Variants in FKBP5 observed in about 807,000 individuals in gnomAD.
FKBP5 encodes the protein FKBP prolyl isomerase 5, also known as peptidyl-prolyl cis-trans isomerase FKBP5.
In FKBP5, 23 loss-of-function variants were observed where a neutral mutation model predicts 50.5. That is an observed-to-expected ratio of 0.46 (90% CI 0.33 to 0.65). FKBP5 has a LOEUF of 0.65. Ranked by LOEUF, FKBP5 falls within the 30% of genes least tolerant of loss-of-function variation. The pLI is 0.02. For missense variants in FKBP5, 411 were observed against 553.1 expected (o/e 0.74, Z 2.58); for synonymous variants, 176 against 190.6 (o/e 0.92, Z 0.63).
At chr6:35,620,110 G>A in intron 4 of FKBP5, 22 bp downstream of exon 4, 1 of 1,613,784 alleles carries the variant, frequency 6.2e-7, no homozygotes, top group Non-Finnish European at 8.5e-7. Context: ...TGCTGACAAG[G>A]CAACATCACA....
At chr6:35,588,141 T>C (rs1252444046) in intron 7 of FKBP5, among the ~76,000 whole-genome samples, 1 of 151,844 alleles carries the variant, frequency 6.6e-6, no homozygotes, top group African/African-American at 2.4e-5. Context: ...TTCTCCTGCC[T>C]CAGCCTCCGG....
At chr6:35,689,595 C>G (rs1765943635), upstream of FKBP5, among the ~76,000 whole-genome samples, 2 of 152,136 alleles carry the variant, frequency 1.3e-5, no homozygotes, top group Admixed American at 1.3e-4. Flanking sequence ...GTAATCCCAG[C>G]ACTTTGGAAG....
intron 2 of FKBP5, among the ~76,000 whole-genome samples, chr6:35,642,013 AAAAT>A (rs1378422504): frequency 6.6e-6 from 1 of 151,366 alleles, no homozygotes; most frequent in Non-Finnish European, 1.5e-5. Flanking sequence ...AAAATAAAAT[AAAAT>A]AAAATAAAAT....
At chr6:35,724,439 G>C (rs1163222229) in intron 1 of FKBP5, among the ~76,000 whole-genome samples, 1 of 152,194 alleles carries the variant, frequency 6.6e-6, no homozygotes. Flanking sequence ...CTAGCTGTCA[G>C]ATCACACCTC....
At chr6:35,658,303 G>C (rs1376763131) in intron 1 of FKBP5, among the ~76,000 whole-genome samples, 1 of 151,728 alleles carries the variant, frequency 6.6e-6, no homozygotes, top group African/African-American at 2.4e-5. Flanking sequence ...TGAACCCCAG[G>C]AGGCAGAGCT....
At chr6:35,666,405 A>C (rs1399988017) in intron 1 of FKBP5, among the ~76,000 whole-genome samples, 1 of 144,716 alleles carries the variant, frequency 6.9e-6, no homozygotes, top group Non-Finnish European at 1.5e-5. Context: ...AAAAAAAAAA[A>C]AAAAAAAAAA....
intron 5 of FKBP5, among the ~76,000 whole-genome samples, chr6:35,614,884 G>C (rs9470069): frequency 0.17 from 25,688 of 151,906 alleles, 2,659 homozygotes; most frequent in East Asian, 0.35. Context: ...CAGCACTTTG[G>C]GAGGCCAAGG....
At chr6:35,689,108 A>C (rs1022185535), upstream of FKBP5, among the ~76,000 whole-genome samples, 1 of 151,814 alleles carries the variant, frequency 6.6e-6, no homozygotes, top group African/African-American at 2.4e-5. Context: ...CGCCCCCATC[A>C]TTTGCTCCTC....
At chr6:35,675,254 T>C (rs116403018) in intron 1 of FKBP5, among the ~76,000 whole-genome samples, 162 of 152,340 alleles carry the variant, frequency 1.1e-3, no homozygotes, top group African/African-American at 3.7e-3. Context: ...CACGAGTCTA[T>C]ACCATACTCT....
chr6:35,706,730 CT>C (rs2151020536), intron 2 of FKBP5, among the ~76,000 whole-genome samples: 1 of 152,292 alleles, frequency 6.6e-6, no homozygotes, highest in African/African-American at 2.4e-5. Context: ...CATTCTATAG[CT>C]GTACTCCTAC....
At chr6:35,660,001 AGAC>A (rs148451847) in intron 1 of FKBP5, among the ~76,000 whole-genome samples, 19,044 of 83,786 alleles carry the variant, frequency 0.23, 7,880 homozygotes, top group African/African-American at 0.5. Flanking sequence ...TACCCAATAT[AGAC>A]ATTTAGTGCT....
chr6:35,610,218 T>C (rs1763447385), intron 5 of FKBP5, among the ~76,000 whole-genome samples: 1 of 152,152 alleles, frequency 6.6e-6, no homozygotes, highest in Non-Finnish European at 1.5e-5. Context: ...CACTTTAGTA[T>C]TATTTACTGT....
rs1401690417 is a variant in FKBP5, at chr6:35,604,448, T to A, written c.509-7044A>T. 3.9e-5 allele frequency among the ~76,000 whole-genome samples: 6 copies of A among 152,242 alleles called. No individual in the cohort carries two copies. In the East Asian group the frequency reaches 9.6e-4, roughly 24 times the overall value. On this transcript the variant is annotated intron_variant, in intron 5 of 10. Transcript: ENST00000357266. The stretch of plus-strand genomic sequence containing the variant: ...TTAGACCAAGTACCATATTACATTA[T>A]TTTGTGAAAACATATAATAAAATGG...
At chr6:35,728,069 A>T (rs1341212786) in intron 1 of FKBP5, among the ~76,000 whole-genome samples, 1 of 152,158 alleles carries the variant, frequency 6.6e-6, no homozygotes, top group Non-Finnish European at 1.5e-5. Flanking sequence ...CAGGGCGAGG[A>T]GGCTGGTGTG....
chr6:35,597,020 G>T (rs993246319), intron 6 of FKBP5, among the ~76,000 whole-genome samples: 1 of 152,174 alleles, frequency 6.6e-6, no homozygotes, highest in African/African-American at 2.4e-5. Context: ...AAAGCAAAAA[G>T]TGGCTGTAAG....
At chr6:35,593,335 G>A (rs570155102) in intron 6 of FKBP5, among the ~76,000 whole-genome samples, 18 of 152,268 alleles carry the variant, frequency 1.2e-4, no homozygotes, top group African/African-American at 4.1e-4. Flanking sequence ...GACTATGAAT[G>A]ACCATTAAGC....
At chr6:35,701,227 G>GTTTTTTTTTTTTTTTTTTTTTTT (rs1325192481) in intron 2 of FKBP5, among the ~76,000 whole-genome samples, 1 of 80,614 alleles carries the variant, frequency 1.2e-5, no homozygotes, top group Non-Finnish European at 2.6e-5. Flanking sequence ...TTGTTTGTTT[G>GTTTTTTTTTTTTTTTTTTTTTTT]TTTTTGTTTT....
At chr6:35,588,599 CTTTTATT>C in intron 7 of FKBP5, among the ~76,000 whole-genome samples, 1 of 151,164 alleles carries the variant, frequency 6.6e-6, no homozygotes, top group East Asian at 2.0e-4. Context: ...ACAGGATACT[CTTTTATT>C]TTTTCTTTTT....
chr6:35,632,972 A>G (rs960258646), intron 3 of FKBP5, among the ~76,000 whole-genome samples: 1 of 152,078 alleles, frequency 6.6e-6, no homozygotes, highest in African/African-American at 2.4e-5. Context: ...ACATATACAA[A>G]GCAAGTGTAG....
Sources: allele counts gnomAD v4.1 joint callset (sites outside exome capture counted in the v4.1 genomes callset), GRCh38; gene constraint gnomAD v4.1.1; transcripts MANE v1.5; gene names NCBI Gene and HGNC (gene_info 2026-07-23, HGNC 2026-07-21).